The following ABCB11 variants were observed in gnomAD, a reference collection of about 807,000 sequenced individuals.
ABCB11 encodes ATP binding cassette subfamily B member 11, also known as bile salt export pump.
In ABCB11, 95 loss-of-function variants were observed where a neutral mutation model predicts 148.0. The observed-to-expected ratio is 0.64, with a 90% CI of 0.54 to 0.76. The LOEUF is 0.76. ABCB11 is among the 30% of genes least tolerant of loss of function. The probability of loss-of-function intolerance (pLI) is 0.00; values close to 1 mark genes in which losing one functional copy is unlikely to be tolerated. For missense variants in ABCB11, 1,523 were observed against 1,617.8 expected (o/e 0.94, Z 1.01); for synonymous variants, 591 against 555.4 (o/e 1.06, Z -0.90).
chr2:168,991,956 G>A (rs1218825987), intron 8 of ABCB11, among the ~76,000 whole-genome samples: 1 of 150,212 alleles, frequency 6.7e-6, no homozygotes, highest in East Asian at 2.0e-4. Flanking sequence ...ACTGGCCTCA[G>A]CCTCCTGGGT....
At chr2:169,028,801 C>T (rs1293611487) in intron 1 of ABCB11, among the ~76,000 whole-genome samples, 1 of 152,176 alleles carries the variant, frequency 6.6e-6, no homozygotes, top group Non-Finnish European at 1.5e-5. Flanking sequence ...GAGATCCCAC[C>T]AGACCAAGAG....
At chr2:168,915,795 G>A (rs1690929640), downstream of ABCB11, among the ~76,000 whole-genome samples, 1 of 152,230 alleles carries the variant, frequency 6.6e-6, no homozygotes, top group South Asian at 2.1e-4. Flanking sequence ...TCATTGACAA[G>A]ACAATGTCAC....
rs775598008 is a variant in ABCB11, at chr2:168,995,499, G to A, written c.478-17C>T. On this transcript the variant is annotated splice_polypyrimidine_tract_variant and intron_variant, in intron 6 of 27. Transcript: ENST00000650372. ...AAAGCATATCTGGAAATGGACAAAGGAATGTTTAGCATTGCAATGTTTGAA... is the reference window on the plus strand; with the variant it reads ...AAAGCATATCTGGAAATGGACAAAGAAATGTTTAGCATTGCAATGTTTGAA... 3.1e-6 allele frequency: 5 copies of A among 1,606,242 alleles called. No homozygotes were observed. In the South Asian group the frequency reaches 5.6e-5, roughly 18 times the overall value.
At chr2:168,933,300 G>A (rs1033502791) in intron 23 of ABCB11, among the ~76,000 whole-genome samples, 1 of 152,020 alleles carries the variant, frequency 6.6e-6, no homozygotes, top group Non-Finnish European at 1.5e-5. Context: ...TTTGCACCAG[G>A]CATGTATATA....
chr2:168,999,365 T>C (rs1694808779), intron 5 of ABCB11, among the ~76,000 whole-genome samples: 1 of 151,974 alleles, frequency 6.6e-6, no homozygotes, highest in Non-Finnish European at 1.5e-5. Context: ...TGCAAATATC[T>C]TGCAAAACTG....
At chr2:168,961,865 T>C (rs1368361670) in intron 18 of ABCB11, among the ~76,000 whole-genome samples, 3 of 151,656 alleles carry the variant, frequency 2.0e-5, no homozygotes, top group African/African-American at 7.3e-5. Context: ...TTTAGCACCG[T>C]AAGAGAGTAT....
chr2:168,965,327 A>T (rs1016938873), intron 17 of ABCB11, among the ~76,000 whole-genome samples: 3 of 151,786 alleles, frequency 2.0e-5, no homozygotes, highest in Admixed American at 2.0e-4. Context: ...CCTGGGAAGG[A>T]GGCCCCCATT....
intron 3 of ABCB11, among the ~76,000 whole-genome samples, chr2:169,015,344 A>G (rs2106051931): frequency 6.6e-6 from 1 of 152,216 alleles, no homozygotes; most frequent in Non-Finnish European, 1.5e-5. Context: ...AGAGTCTAGT[A>G]CTCAGCTGCC....
downstream of ABCB11, among the ~76,000 whole-genome samples, chr2:168,918,398 C>T (rs1207134826): frequency 6.6e-6 from 1 of 152,150 alleles, no homozygotes; most frequent in Non-Finnish European, 1.5e-5. Context: ...CAAAATTTGG[C>T]AGAAATTCTT....
chr2:168,984,201 C>A (rs773783080), intron 10 of ABCB11, among the ~76,000 whole-genome samples: 2 of 152,096 alleles, frequency 1.3e-5, no homozygotes, highest in Non-Finnish European at 2.9e-5. Flanking sequence ...CCCCGCCACA[C>A]CTGGTTATCC....
At position 168,923,371 on chromosome 2, in the gene ABCB11, T is replaced by C. The variant is rs972067140; in HGVS notation, c.*251A>G. The C allele has an allele frequency of 1.8e-6, 1 of 553,026 alleles. No individual in the cohort carries two copies. Among genetic ancestry groups the C allele is most frequent in the African/African-American group, 1.9e-5 (1 of 53,066 alleles). The allele number at this position is 553,026 out of a possible 1,614,324, so 34.3% of individuals were successfully genotyped here. On this transcript the variant is annotated 3_prime_UTR_variant, in exon 28 of 28. Transcript: ENST00000650372. ...GTGGTGGCTGAGCTGCCACTTGACA[T>C]TGGGTTTTCCCTCATATGGACCCTA...
At chr2:169,001,569 C>T (rs768553270) in intron 5 of ABCB11, among the ~76,000 whole-genome samples, 9 of 152,078 alleles carry the variant, frequency 5.9e-5, no homozygotes, top group East Asian at 1.9e-4. Flanking sequence ...ACAAGAGGGG[C>T]TTATTACCAC....
At chr2:168,920,451 C>T (rs1691040413), downstream of ABCB11, among the ~76,000 whole-genome samples, 2 of 152,008 alleles carry the variant, frequency 1.3e-5, no homozygotes, top group African/African-American at 4.8e-5. Context: ...TTGTTACCCT[C>T]AATTTTTTCT....
intron 17 of ABCB11, among the ~76,000 whole-genome samples, chr2:168,966,898 T>C (rs17267869): frequency 0.11 from 16,540 of 151,922 alleles, 1,152 homozygotes; most frequent in Non-Finnish European, 0.16. Context: ...ATCACCAAAA[T>C]GTAACATTTG....
rs2287620 is a variant in ABCB11 at position 168,980,188 on chromosome 2, T to G, written c.1084-209A>C. 0.57 allele frequency among the ~76,000 whole-genome samples: 85,792 copies of G among 151,646 alleles called. 24,939 individuals are homozygous for G. Among genetic ancestry groups the G allele is most frequent in the African/African-American group, 0.67 (27,832 of 41,322 alleles). On this transcript the variant is annotated intron_variant, in intron 10 of 27. Coordinates refer to ENST00000650372, the MANE Select transcript of ABCB11 (RefSeq NM_003742.4). ...AGTTTTCCACTGTTATGATTTAAAA[T>G]ACCACTTTATTTTTTTACTGAATAT...
intron 1 of ABCB11, among the ~76,000 whole-genome samples, chr2:169,023,447 T>C (rs1695592979): frequency 6.6e-6 from 1 of 151,994 alleles, no homozygotes; most frequent in Non-Finnish European, 1.5e-5. Context: ...ACTCAGAAAA[T>C]GCATGCAGAG....
Position 168,921,556 on chromosome 2 carries a change from T to C in ABCB11, c.*2066A>G, listed in dbSNP as rs1015243513. ...GATGGAAATATGTTCTCTTGACCCA[T>C]TGAACACATTTATTACCATTTTTTG... On this transcript the variant is annotated 3_prime_UTR_variant, in exon 28 of 28. Transcript: ENST00000650372. Among the ~76,000 whole-genome samples the C allele has an allele frequency of 1.3e-5, 2 of 152,208 alleles. No individual in the cohort carries two copies. The highest frequency in any genetic ancestry group is 4.8e-5 in the African/African-American group (2 of 41,458).
At position 168,975,326 on chromosome 2, in the gene ABCB11, T is replaced by A. The variant is rs1487337062; in HGVS notation, c.1308+1251A>T. ...ATTTAAATATTTATAGATAAATATA[T>A]AAATATATAAATATTTTTATATTTA... On this transcript the variant is annotated intron_variant, in intron 12 of 27. Coordinates refer to ENST00000650372, the MANE Select transcript of ABCB11 (RefSeq NM_003742.4). Among the ~76,000 whole-genome samples, 8 of 68,154 alleles carry A rather than the reference T, an allele frequency of 1.2e-4. 1 individual carries two copies. Among genetic ancestry groups the A allele is most frequent in the African/African-American group, 4.5e-4 (7 of 15,608 alleles). The allele number at this position is 68,154 out of a possible 152,430, so 44.7% of individuals were successfully genotyped here.
chr2:168,958,455 C>A (rs544615433), intron 18 of ABCB11, among the ~76,000 whole-genome samples: 18 of 151,448 alleles, frequency 1.2e-4, no homozygotes, highest in Non-Finnish European at 2.1e-4. Context: ...AAAAAGAAAA[C>A]CTTTGCTACG....
Sources: gnomAD v4.1 joint callset for allele counts (sites outside exome capture counted in the v4.1 genomes callset) on GRCh38, gnomAD v4.1.1 for gene constraint, MANE v1.5 for transcripts, NCBI Gene and HGNC (gene_info 2026-07-23, HGNC 2026-07-21) for gene names.